The following TCOF1 variants were observed in gnomAD, a reference collection of about 807,000 sequenced individuals.
TCOF1 encodes treacle protein.
Under a neutral mutation model 149.0 loss-of-function variants are expected in TCOF1, and 33 were observed. The ratio of observed to expected loss-of-function variants is 0.22; its 90% CI spans 0.17 to 0.30. TCOF1 has a LOEUF of 0.30. Among genes scored for constraint, TCOF1 ranks in the 10% least tolerant of loss-of-function variants. TCOF1 has a pLI of 1.00. For missense variants in TCOF1, 1,728 were observed against 1,840.7 expected (o/e 0.94, Z 1.12); for synonymous variants, 789 against 738.8 (o/e 1.07, Z -1.10).
At chr5:150,395,553 A>G (rs568568463) in intron 23 of TCOF1, among the ~76,000 whole-genome samples, 129 of 150,862 alleles carry the variant, frequency 8.6e-4, no homozygotes, top group Non-Finnish European at 1.6e-3. Context: ...TTTTTTTTAC[A>G]CGTGTAGTCA....
chr5:150,399,718 C>T (rs1769388512), intron 26 of TCOF1, 92 bp from the exon 27 acceptor site: 1 of 154,764 alleles, frequency 6.5e-6, no homozygotes, highest in Non-Finnish European at 1.4e-5. Context: ...TGGTTAATGC[C>T]TCCCCCCTGC....
intron 24 of TCOF1, 56 bp from the exon 25 acceptor site, chr5:150,398,298 C>T (rs1250795812): frequency 3.1e-6 from 5 of 1,610,152 alleles, no homozygotes; most frequent in Non-Finnish European, 4.2e-6. Context: ...CCAACATTGA[C>T]CCCAGCACTT....
intron 19 of TCOF1, among the ~76,000 whole-genome samples, chr5:150,390,678 G>T (rs1466765779): frequency 6.6e-6 from 1 of 151,772 alleles, no homozygotes; most frequent in Middle Eastern, 3.2e-3. Flanking sequence ...GTGTTGGGGG[G>T]CGGTGGGGCT....
At chr5:150,387,878 G>C in intron 17 of TCOF1, 24 bp from the exon 18 acceptor site, 1 of 1,613,444 alleles carries the variant, frequency 6.2e-7, no homozygotes, top group Non-Finnish European at 8.5e-7. Context: ...TCACTGGGGG[G>C]GTGTTTTGTT....
chr5:150,393,717 T>C, intron 23 of TCOF1, 165 bp downstream of exon 23: 1 of 947,734 alleles, frequency 1.1e-6, no homozygotes, highest in South Asian at 1.6e-5. Flanking sequence ...AAGATGCTCA[T>C]CAAAGTGCAG....
Position 150,383,114 on chromosome 5 carries a change from C to T in TCOF1, c.2859+3382C>T, listed in dbSNP as rs750936501. On this transcript the variant is annotated intron_variant, in intron 17 of 26. Transcript: ENST00000643257. ...AGCAAGACCCTGGCCCCAGCACCCC[C>T]AGAGAGGAACACGGAGGGGTCCTCG... 3.3e-6 allele frequency: 5 copies of T among 1,536,000 alleles called. No homozygotes were observed. In the South Asian group the frequency reaches 4.8e-5, roughly 15 times the overall value.
Position 150,396,266 on chromosome 5 carries a change from C to CAAA in TCOF1, c.3785-15_3785-14insAAA. 6.2e-7 allele frequency: 1 copy of CAAA among 1,614,018 alleles called. No individual in the cohort carries two copies. Among genetic ancestry groups the CAAA allele is most frequent in the East Asian group, 2.2e-5 (1 of 44,882 alleles). On this transcript the variant is annotated splice_polypyrimidine_tract_variant and intron_variant, in intron 23 of 26. Transcript: ENST00000643257. Reference sequence around the variant, plus strand: ...CAACTCTCCCAGATCTGTGACCCCACATTCTCTCTCCATAGGTGGAAAAGA... The same window carrying CAAA: ...CAACTCTCCCAGATCTGTGACCCCACAAAATTCTCTCTCCATAGGTGGAAAAGA...
In TCOF1 at chr5:150,385,474, C is replaced by T. The variant is rs146176954; in HGVS notation, c.2860-2428C>T. Among the ~76,000 whole-genome samples the T allele has an allele frequency of 5.0e-3, 763 of 152,292 alleles. 8 individuals are homozygous for T. The highest frequency in any genetic ancestry group is 0.018 in the African/African-American group (731 of 41,546). ...TGGGTTGGTGGGGTGGACCTTGAGG[C>T]TCCAGGCCACATCCCCAGAGAGTAG... is the stretch of plus-strand genomic sequence containing the variant. On this transcript the variant is annotated intron_variant, in intron 17 of 26. Coordinates refer to ENST00000643257, the MANE Select transcript of TCOF1 (RefSeq NM_001371623.1).
intron 4 of TCOF1, chr5:150,368,208 C>A: frequency 2.3e-6 from 1 of 441,722 alleles, no homozygotes; most frequent in Non-Finnish European, 4.2e-6. Context: ...GTTCACTCAA[C>A]AGATCTTGAC....
At position 150,374,639 on chromosome 5, in the gene TCOF1, C is replaced by T. The variant is rs761683030; in HGVS notation, c.1106C>T (p.Ser369Phe). The change falls in exon 9 of 27, where the codon TCT becomes TTT. Residue 369 changes from serine (S) to phenylalanine (F), a missense_variant. Transcript: ENST00000643257. ...CAGGCGAAGGCCTCAGGAAAAACCT[C>T]TCAGGTCGGAGCTGCCTCAGCCCCT... ...LLQAKASGKT[S>F]QVGAASAPAK... 42 of 1,610,462 alleles carry T rather than the reference C, an allele frequency of 2.6e-5. No homozygotes were observed. Among genetic ancestry groups the T allele is most frequent in the Non-Finnish European group, 3.2e-5 (38 of 1,178,874 alleles).
chr5:150,385,591 TGTGG>T (rs1196936744), intron 17 of TCOF1, among the ~76,000 whole-genome samples: 1 of 152,200 alleles, frequency 6.6e-6, no homozygotes, highest in Non-Finnish European at 1.5e-5. Flanking sequence ...TTGTTGCCTT[TGTGG>T]TCATGTCCCT....
In TCOF1 at chr5:150,396,822, A is replaced by G; in HGVS notation, c.4325A>G (p.Glu1442Gly). ...GDQSNPKSKK[E>G]KKKSDKRKKD... ...CAAAGCAACCCAAAGAGCAAGAAGG[A>G]GAAGAAGAAATCCGACAAGAGTGAG... Residue 1442 changes from glutamate to glycine, a missense_variant, in exon 24 of 27, where the codon GAG (glutamate) becomes GGG (glycine). By Grantham distance (98) the Glu-to-Gly change is moderately conservative. Transcript: ENST00000643257. The G allele has an allele frequency of 6.3e-7, 1 of 1,593,938 alleles. No homozygotes were observed. The highest frequency in any genetic ancestry group is 8.6e-7 in the Non-Finnish European group (1 of 1,167,320).
chr5:150,378,399 T>G (rs1239816866), intron 14 of TCOF1, among the ~76,000 whole-genome samples: 1 of 152,182 alleles, frequency 6.6e-6, no homozygotes, highest in Admixed American at 6.5e-5. Flanking sequence ...AAGAAAACCT[T>G]AAACAACAAG....
At chr5:150,369,763 A>G (rs1036776921) in intron 6 of TCOF1, among the ~76,000 whole-genome samples, 161 bp downstream of exon 6, 3 of 152,214 alleles carry the variant, frequency 2.0e-5, no homozygotes, top group East Asian at 3.9e-4. Flanking sequence ...CAGGGAGAGG[A>G]GTCTGGTGCT....
rs146502638 is a variant in TCOF1, at chr5:150,395,629, C to CT, written c.3785-652dup. 6.3e-3 allele frequency among the ~76,000 whole-genome samples: 963 copies of CT among 152,096 alleles called. 9 individuals carry two copies. Among genetic ancestry groups the CT allele is most frequent in the Middle Eastern group, 0.014 (4 of 294 alleles). On this transcript the variant is annotated intron_variant, in intron 23 of 26. Coordinates refer to ENST00000643257, the MANE Select transcript of TCOF1 (RefSeq NM_001371623.1). ...TAAACAAAGGCTGCACCAGAAGTCT[C>CT]TCTGGCAGGCAGTAAACCTGCTTAG...
At chr5:150,371,903 G>A in intron 6 of TCOF1, 103 bp from the exon 7 acceptor site, 1 of 1,064,810 alleles carries the variant, frequency 9.4e-7, no homozygotes, top group East Asian at 2.6e-5. Flanking sequence ...AAAATCCAGT[G>A]ACATTAGGAA....
intron 20 of TCOF1, 137 bp from the exon 21 acceptor site, chr5:150,391,820 C>T (rs1296755741): frequency 2.0e-5 from 23 of 1,170,088 alleles, no homozygotes; most frequent in Non-Finnish European, 2.8e-5. Flanking sequence ...CAGTACCTTT[C>T]GTAGTTGGAA....
chr5:150,388,040 G>A lies in TCOF1; in HGVS notation c.2998G>A (p.Glu1000Lys), dbSNP rs755763024. 2.0e-5 allele frequency: 33 copies of A among 1,613,618 alleles called. No individual in the cohort carries two copies. Among genetic ancestry groups the A allele is most frequent in the Admixed American group, 1.5e-4 (9 of 60,006 alleles). ...SESTARSSSS[E>K]SEDEDVIPAT... ...GAGCACAGCCAGGAGCTCCTCCTCC[G>A]AGAGCGAGGATGAGGACGTGATCCC... is the stretch of plus-strand genomic sequence containing the variant. Residue 1000 changes from glutamate (E) to lysine (K), a missense_variant, in exon 18 of 27, where the codon GAG becomes AAG. Coordinates refer to ENST00000643257, the MANE Select transcript of TCOF1 (RefSeq NM_001371623.1).
intron 14 of TCOF1, among the ~76,000 whole-genome samples, chr5:150,376,949 T>C (rs952696946): frequency 3.3e-5 from 5 of 152,304 alleles, no homozygotes; most frequent in African/African-American, 9.6e-5. Context: ...CTGTGGAGCA[T>C]GGACATGCTC....
Sources: gnomAD v4.1 joint callset for allele counts (sites outside exome capture counted in the v4.1 genomes callset) on GRCh38, gnomAD v4.1.1 for gene constraint, MANE v1.5 for transcripts, NCBI Gene and HGNC (gene_info 2026-07-23, HGNC 2026-07-21) for gene names.